The following DSP variants were observed in gnomAD, a reference collection of about 807,000 sequenced individuals.
The protein encoded by DSP is desmoplakin, also known as 250/210 kDa paraneoplastic pemphigus antigen.
Under a neutral mutation model 290.6 loss-of-function variants are expected in DSP, and 114 were observed. The observed-to-expected ratio is 0.39, with a 90% CI of 0.34 to 0.46. The LOEUF is 0.46. DSP is among the 20% of genes least tolerant of loss of function. DSP has a pLI of 0.99. For missense variants in DSP, 3,230 were observed against 3,495.8 expected (o/e 0.92, Z 1.92); for synonymous variants, 1,311 against 1,316.4 (o/e 1.00, Z 0.09).
rs2744380 is a variant in DSP at position 7,585,734 on chromosome 6, G to C, written c.8472G>C (p.Gly2824=). ...CTTACAACATGTCTTCGGCTCCGGG[G>C]TCCCGCTCCGGCTCCCGCTCGGGAT... ...PSPYNMSSAP[G]SRSGSRSGSR... is the part of the protein sequence containing the mutation. Residue 2824 remains glycine, a synonymous_variant, in exon 24 of 24, where the codon GGG becomes GGC. Transcript: ENST00000379802. The C allele has an allele frequency of 0.7, 1,130,258 of 1,611,304 alleles. 397,692 individuals are homozygous for C. The highest frequency in any genetic ancestry group is 0.81 in the East Asian group (36,405 of 44,830).
At position 7,573,964 on chromosome 6, in the gene DSP, T is replaced by C. The variant is rs1189601413; in HGVS notation, c.2131-122T>C. On this transcript the variant is annotated intron_variant, in intron 15 of 23. Coordinates refer to ENST00000379802, the MANE Select transcript of DSP (RefSeq NM_004415.4). ...GAAGTTGACTGATGTGTTAATTTAC[T>C]TACCTGATGTAATCATTTCACTGTG... 23 of 1,057,136 alleles carry C rather than the reference T, an allele frequency of 2.2e-5. No homozygotes were observed. The Admixed American group carries it at 4.6e-4, about 21-fold the overall frequency. The allele number at this position is 1,057,136 out of a possible 1,614,324, so 65.5% of individuals were successfully genotyped here.
Position 7,563,771 on chromosome 6 carries a change from G to A in DSP, c.762G>A (p.Glu254=). 1 of 1,613,826 alleles carries A rather than the reference G, an allele frequency of 6.2e-7. No homozygotes were observed. Among genetic ancestry groups the A allele is most frequent in the Non-Finnish European group, 8.5e-7 (1 of 1,179,714 alleles). The change falls in exon 6 of 24, where the codon GAG becomes GAA. Residue 254 remains glutamate, a synonymous_variant. Transcript: ENST00000379802. The part of the protein sequence containing the change: ...EKSAIYQLEE[E]YENLLKASFE... ...CTGCGATCTACCAGTTGGAGGAGGA[G>A]TATGAAAACCTGCTGGTAAGCTGAT...
intron 20 of DSP, 91 bp downstream of exon 20, chr6:7,577,133 C>A: frequency 2.1e-6 from 2 of 957,442 alleles, no homozygotes; most frequent in Non-Finnish European, 3.1e-6. Context: ...TATACACTTC[C>A]TGAGGATAGC....
chr6:7,567,725 G>C, intron 9 of DSP, 56 bp from the exon 10 acceptor site: 1 of 1,611,568 alleles, frequency 6.2e-7, no homozygotes, highest in Non-Finnish European at 8.5e-7. Flanking sequence ...AGAACTACTA[G>C]ATGAAATTGC....
At position 7,580,517 on chromosome 6, in the gene DSP, A is replaced by G. The variant is rs1277301255; in HGVS notation, c.4327A>G (p.Arg1443Gly). 2 of 1,614,188 alleles carry G rather than the reference A, an allele frequency of 1.2e-6. No homozygotes were observed. The highest frequency in any genetic ancestry group is 1.7e-6 in the Non-Finnish European group (2 of 1,180,038). ...GGCCACTGGCTCTGAGGTGTCTCAG[A>G]GGAAACAGCAGCTGGAGGTTGAGCT... ...QKATGSEVSQRKQQLEVELRQ... is the reference protein window; with the variant it reads ...QKATGSEVSQGKQQLEVELRQ... The change falls in exon 23 of 24, where the codon AGG (arginine) becomes GGG (glycine). Residue 1443 changes from arginine to glycine, a missense_variant. By Grantham distance (125) the Arg-to-Gly change is moderately radical. Coordinates refer to ENST00000379802, the MANE Select transcript of DSP (RefSeq NM_004415.4). This position sits in a 1 kb window ranked among gnomAD's most constrained non-coding sequence, Gnocchi z 4.2.
intron 15 of DSP, 53 bp from the exon 16 acceptor site, chr6:7,574,033 C>T (rs1336999091): frequency 1.9e-6 from 3 of 1,584,936 alleles, no homozygotes; most frequent in Non-Finnish European, 2.6e-6. Flanking sequence ...TAAATATATA[C>T]AGTAATAAAA....
chr6:7,563,898 T>C, intron 6 of DSP, 112 bp downstream of exon 6: 1 of 936,206 alleles, frequency 1.1e-6, no homozygotes, highest in Non-Finnish European at 1.8e-6. Context: ...TCGATGCTAA[T>C]GTTGTTGCTG....
Position 7,585,916 on chromosome 6 carries a change from T to A in DSP, c.*38T>A. 1 of 1,581,534 alleles carries A rather than the reference T, an allele frequency of 6.3e-7. No homozygotes were observed. The highest frequency in any genetic ancestry group is 8.7e-7 in the Non-Finnish European group (1 of 1,153,766). On this transcript the variant is annotated 3_prime_UTR_variant, in exon 24 of 24. Transcript: ENST00000379802. ...AGTGGTTGCTATACCTTGACTTCAT[T>A]TATATGAATTTCCACTTTATTAAAT...
chr6:7,547,489 A>G (rs559786189), intron 1 of DSP, among the ~76,000 whole-genome samples: 1 of 152,198 alleles, frequency 6.6e-6, no homozygotes, highest in Non-Finnish European at 1.5e-5. Context: ...GTGCAGTGGC[A>G]TGATCATAGC....
chr6:7,573,017 C>T (rs1759103471), intron 15 of DSP, among the ~76,000 whole-genome samples: 1 of 152,126 alleles, frequency 6.6e-6, no homozygotes, highest in Admixed American at 6.5e-5. Context: ...GTAATCCCAG[C>T]TACTTGCTTG....
intron 7 of DSP, among the ~76,000 whole-genome samples, chr6:7,566,055 G>C (rs1215247938): frequency 6.6e-6 from 1 of 152,200 alleles, no homozygotes; most frequent in Non-Finnish European, 1.5e-5. Context: ...GAGAGGATAA[G>C]AACTGGTACG....
Position 7,584,717 on chromosome 6 carries a change from G to C in DSP, c.7455G>C (p.Lys2485Asn), listed in dbSNP as rs1561703709. ...TGTCTGTTCAGGAGGCCTACAAGAA[G>C]GGCCTAATTGATTATGAAACCTTCA... ...KEMSVQEAYK[K>N]GLIDYETFKE... The change falls in exon 24 of 24, where the codon AAG (lysine) becomes AAC (asparagine). Residue 2485 changes from lysine to asparagine, a missense_variant. Physicochemically the swap from Lys to Asn is moderately conservative, Grantham distance 94. Around this residue, in one of 5 missense-constraint regions of DSP, gnomAD observed 582 missense variants for 555.4 expected, o/e 1.05. Transcript: ENST00000379802. The surrounding 1 kb of genome is among the most constrained non-coding windows in gnomAD (Gnocchi z 6.4). 6.2e-7 allele frequency: 1 copy of C among 1,614,166 alleles called. No individual in the cohort carries two copies. Among genetic ancestry groups the C allele is most frequent in the Non-Finnish European group, 8.5e-7 (1 of 1,180,040 alleles).
chr6:7,568,604 A>C lies in DSP; in HGVS notation c.1419+15A>C, dbSNP rs761517719. ...AACAAGATCAGGTGTGTACTCATTT[A>C]GAATGATACAAAAGTTTTCCCTGTC... On this transcript the variant is annotated intron_variant, in intron 11 of 23. Coordinates refer to ENST00000379802, the MANE Select transcript of DSP (RefSeq NM_004415.4). The C allele has an allele frequency of 3.7e-6, 6 of 1,613,414 alleles. No homozygotes were observed. The South Asian group carries it at 6.6e-5, about 18-fold the overall frequency.
At position 7,585,918 on chromosome 6, in the gene DSP, A is replaced by G. The variant is rs1759658484; in HGVS notation, c.*40A>G. 1.3e-6 allele frequency: 2 copies of G among 1,584,632 alleles called. No homozygotes were observed. Among genetic ancestry groups the G allele is most frequent in the Non-Finnish European group, 1.7e-6 (2 of 1,156,508 alleles). On this transcript the variant is annotated 3_prime_UTR_variant, in exon 24 of 24. Coordinates refer to ENST00000379802, the MANE Select transcript of DSP (RefSeq NM_004415.4). The stretch of plus-strand genomic sequence containing the variant: ...TGGTTGCTATACCTTGACTTCATTT[A>G]TATGAATTTCCACTTTATTAAATAA...
rs1759438511 is a variant in DSP, at chr6:7,581,439, T to G, written c.5249T>G (p.Leu1750Trp). Residue 1750 changes from leucine (L) to tryptophan (W), a missense_variant, in exon 23 of 24, where the codon TTG (leucine) becomes TGG (tryptophan). This residue lies in a region of DSP where 1,714 missense variants were observed against 1,844.5 expected (regional missense o/e 0.93). Transcript: ENST00000379802. ...GACAGTGATAAAAATGCAACCATCTTGGAACTAAGGAGCCAGCTGCAGATC... is the reference window on the plus strand; with the variant it reads ...GACAGTGATAAAAATGCAACCATCTGGGAACTAAGGAGCCAGCTGCAGATC... ...EADSDKNATI[L>W]ELRSQLQISN... is the part of the protein sequence containing the mutation. 5.0e-6 allele frequency: 8 copies of G among 1,612,838 alleles called. No homozygotes were observed. Among genetic ancestry groups the G allele is most frequent in the Non-Finnish European group, 6.8e-6 (8 of 1,179,496 alleles).
intron 12 of DSP, 66 bp from the exon 13 acceptor site, chr6:7,570,371 A>G (rs1759005905): frequency 6.2e-7 from 1 of 1,613,070 alleles, no homozygotes; most frequent in Non-Finnish European, 8.5e-7. Flanking sequence ...GAGCGTGTCC[A>G]GGTTTCCCAT....
intron 1 of DSP, among the ~76,000 whole-genome samples, chr6:7,549,771 G>C (rs999859029): frequency 6.6e-6 from 1 of 152,138 alleles, no homozygotes; most frequent in South Asian, 2.1e-4. Context: ...GAGAGGAAGG[G>C]AGAGATGGAA....
Position 7,583,407 on chromosome 6 carries a change from C to T in DSP, c.6145C>T (p.Leu2049=). 6.2e-7 allele frequency: 1 copy of T among 1,614,168 alleles called. No individual in the cohort carries two copies. Among genetic ancestry groups the T allele is most frequent in the Non-Finnish European group, 8.5e-7 (1 of 1,180,042 alleles). The change falls in exon 24 of 24, where the codon CTG becomes TTG. Residue 2049 remains leucine, a synonymous_variant. Coordinates refer to ENST00000379802, the MANE Select transcript of DSP (RefSeq NM_004415.4). The surrounding 1 kb of genome is among the most constrained non-coding windows in gnomAD (Gnocchi z 4.0). ...CAGCCCAGAATCCACAGTCATGCTTCTGGAGGCCCAGGCAGCTACAGGTGG... is the reference window on the plus strand; with the variant it reads ...CAGCCCAGAATCCACAGTCATGCTTTTGGAGGCCCAGGCAGCTACAGGTGG... The part of the protein sequence containing the change: ...LISPESTVML[L]EAQAATGGII...
At chr6:7,568,665 A>C in intron 11 of DSP, 76 bp downstream of exon 11, 1 of 1,509,238 alleles carries the variant, frequency 6.6e-7, no homozygotes, top group African/African-American at 1.4e-5. Flanking sequence ...AGAAAGCAAC[A>C]TTTAATCTAG....
Sources: gnomAD v4.1 joint callset for allele counts (sites outside exome capture counted in the v4.1 genomes callset) on GRCh38, gnomAD v4.1.1 for gene constraint, gnomAD v4.1.1 regional missense constraint, Gnocchi (gnomAD v3.1) non-coding constraint, MANE v1.5 for transcripts, NCBI Gene and HGNC (gene_info 2026-07-23, HGNC 2026-07-21) for gene names.